Variants in PLA2G15 observed in about 807,000 individuals in gnomAD.
PLA2G15 encodes the protein lysosomal phospholipase A and acyltransferase.
PLA2G15 carries 20 observed loss-of-function variants against 40.9 expected under a neutral mutation model. That is an observed-to-expected ratio of 0.49 (90% CI 0.34 to 0.71). The LOEUF (loss-of-function observed/expected upper bound fraction) is 0.71, where lower values mean the gene tolerates loss of function less well. Ranked by LOEUF, PLA2G15 falls within the 30% of genes least tolerant of loss-of-function variation. The pLI, the probability that PLA2G15 is intolerant of heterozygous loss-of-function variation, is 0.01. For synonymous variants in PLA2G15, 223 were observed against 228.2 expected, an observed-to-expected ratio of 0.98 and a Z score of 0.21; for missense variants, 471 against 541.9, an observed-to-expected ratio of 0.87 and a Z score of 1.30.
rs1172765713 is a variant in PLA2G15 at position 68,259,577 on chromosome 16, C to T, written c.1159C>T (p.Leu387=). The part of the protein sequence containing the change: ...RQEHQVLLQE[L]PGSEHIEMLA... ...GGAGCACCAAGTGTTGCTGCAGGAG[C>T]TGCCAGGCAGCGAGCACATCGAGAT... is the stretch of plus-strand genomic sequence containing the variant. Residue 387 remains leucine, a synonymous_variant, in exon 6 of 6, where the codon CTG becomes TTG. Transcript: ENST00000219345. The surrounding 1 kb of genome is among the most constrained non-coding windows in gnomAD (Gnocchi z 6.5). 1 of 1,613,274 alleles carries T rather than the reference C, an allele frequency of 6.2e-7. No individual in the cohort carries two copies. Among genetic ancestry groups the T allele is most frequent in the African/African-American group, 1.3e-5 (1 of 74,942 alleles).
At chr16:68,249,210 G>T (rs1333033056) in intron 1 of PLA2G15, 80 bp from the exon 2 acceptor site, 4 of 1,156,258 alleles carry the variant, frequency 3.5e-6, no homozygotes, top group South Asian at 2.7e-5. Flanking sequence ...TCTTCAGGGG[G>T]TCTGCTGCAG....
Position 68,254,946 on chromosome 16 carries a change from C to T in PLA2G15, c.312C>T (p.Ala104=). ...TGGTTTACAACAAAACATCCAGGGC[C>T]ACCCAGTTTCCTGATGGTGTGGATG... ...IRLVYNKTSR[A]TQFPDGVDVR... is the part of the protein sequence containing the mutation. Residue 104 remains alanine, a synonymous_variant, in exon 3 of 6, where the codon GCC becomes GCT. Coordinates refer to ENST00000219345, the MANE Select transcript of PLA2G15 (RefSeq NM_012320.4). 6.2e-7 allele frequency: 1 copy of T among 1,613,772 alleles called. No individual in the cohort carries two copies.
chr16:68,259,771 C>T lies in PLA2G15; in HGVS notation c.*114C>T. ...TGACTCACCATTCAAGGCCCCGAGT[C>T]TTGGACTGTGAAGCATCTGCCATGG... On this transcript the variant is annotated 3_prime_UTR_variant, in exon 6 of 6. Coordinates refer to ENST00000219345, the MANE Select transcript of PLA2G15 (RefSeq NM_012320.4). This position sits in a 1 kb window ranked among gnomAD's most constrained non-coding sequence, Gnocchi z 6.5. 1.1e-6 allele frequency: 1 copy of T among 938,310 alleles called. No individual in the cohort carries two copies. The highest frequency in any genetic ancestry group is 1.6e-5 in the South Asian group (1 of 61,328). The allele number at this position is 938,310 out of a possible 1,614,324, so 58.1% of individuals were successfully genotyped here.
Position 68,259,156 on chromosome 16 carries a change from C to T in PLA2G15, c.738C>T (p.Asn246=), listed in dbSNP as rs1418734713. The change falls in exon 6 of 6, where the codon AAC becomes AAT. Residue 246 remains asparagine, a synonymous_variant. Transcript: ENST00000219345. This position sits in a 1 kb window ranked among gnomAD's most constrained non-coding sequence, Gnocchi z 6.5. The part of the protein sequence containing the change: ...TLRVLASGDN[N]RIPVIGPLKI... Reference sequence around the variant, plus strand: ...GCCTTCTCCCTGCAGGAGACAACAACCGGATCCCAGTCATCGGGCCCCTGA... The same window carrying T: ...GCCTTCTCCCTGCAGGAGACAACAATCGGATCCCAGTCATCGGGCCCCTGA... 6 of 1,611,812 alleles carry T rather than the reference C, an allele frequency of 3.7e-6. No individual in the cohort carries two copies. The African/African-American group carries it at 5.3e-5, about 14-fold the overall frequency.
In PLA2G15 at chr16:68,259,482, G is replaced by C. The variant is rs1175922469; in HGVS notation, c.1064G>C (p.Cys355Ser). Residue 355 changes from cysteine to serine, a missense_variant, in exon 6 of 6, where the codon TGC (cysteine) becomes TCC (serine). Cys to Ser is a moderately radical substitution (Grantham distance 112, BLOSUM62 -1). Transcript: ENST00000219345. This position sits in a 1 kb window ranked among gnomAD's most constrained non-coding sequence, Gnocchi z 6.5. ...ESFPDRDPKI[C>S]FGDGDGTVNL... ...TTCCCTGACCGTGACCCTAAAATCT[G>C]CTTTGGTGACGGCGATGGTACTGTG... The C allele has an allele frequency of 3.7e-6, 6 of 1,613,238 alleles. No homozygotes were observed. The highest frequency in any genetic ancestry group is 5.1e-6 in the Non-Finnish European group (6 of 1,180,024).
At chr16:68,249,180 T>A in intron 1 of PLA2G15, 110 bp from the exon 2 acceptor site, 1 of 804,350 alleles carries the variant, frequency 1.2e-6, no homozygotes, top group Non-Finnish European at 2.0e-6. Context: ...ACTGCACAGG[T>A]CTGCCATATT....
In PLA2G15 at chr16:68,259,638, G is replaced by A. The variant is rs144500022; in HGVS notation, c.1220G>A (p.Arg407His). 4.9e-4 allele frequency: 790 copies of A among 1,612,144 alleles called. No individual in the cohort carries two copies. Among genetic ancestry groups the A allele is most frequent in the Non-Finnish European group, 6.4e-4 (750 of 1,179,368 alleles). Residue 407 changes from arginine (R) to histidine (H), a missense_variant, in exon 6 of 6, where the codon CGT (arginine) becomes CAT (histidine). Transcript: ENST00000219345. This position sits in a 1 kb window ranked among gnomAD's most constrained non-coding sequence, Gnocchi z 6.5. ...GCCACCACCCTGGCCTATCTGAAAC[G>A]TGTGCTCCTTGGGCCCTGACTCCTG... ...ANATTLAYLK[R>H]VLLGP
intron 1 of PLA2G15, among the ~76,000 whole-genome samples, 199 bp from the exon 2 acceptor site, chr16:68,249,091 G>A (rs369730138): frequency 6.6e-6 from 1 of 152,192 alleles, no homozygotes; most frequent in Non-Finnish European, 1.5e-5. Context: ...GCACAAAGAT[G>A]GTTCCCTGGC....
intron 2 of PLA2G15, chr16:68,254,351 A>ATTTATTTATTTT (rs1474973014): frequency 1.1e-4 from 15 of 139,470 alleles, no homozygotes; most frequent in Admixed American, 4.4e-4. Context: ...TTATTTATTT[A>ATTTATTTATTTT]TTTTTTTGAG....
At chr16:68,256,062 C>T in intron 5 of PLA2G15, 72 bp downstream of exon 5, 1 of 972,900 alleles carries the variant, frequency 1.0e-6, no homozygotes, top group Non-Finnish European at 1.5e-6. Flanking sequence ...TCCTAAGTGT[C>T]CTCCTGGGCC....
intron 2 of PLA2G15, among the ~76,000 whole-genome samples, chr16:68,252,852 C>G (rs2151203490): frequency 6.6e-6 from 1 of 152,098 alleles, no homozygotes; most frequent in South Asian, 2.1e-4. Flanking sequence ...CTGGTGGTGC[C>G]TGCCTAGCTG....
At chr16:68,246,189 C>G (rs1222731783) in intron 1 of PLA2G15, among the ~76,000 whole-genome samples, 1 of 152,262 alleles carries the variant, frequency 6.6e-6, no homozygotes, top group East Asian at 1.9e-4. Context: ...TACTCTTACC[C>G]TGCCACACAT....
chr16:68,256,378 ACAG>A, intron 5 of PLA2G15: 1 of 164,770 alleles, frequency 6.1e-6, no homozygotes, highest in East Asian at 1.7e-4. Context: ...TGCACAAGAA[ACAG>A]TAGATAAAGT....
chr16:68,250,174 C>CTTTTTT (rs1175749953), intron 2 of PLA2G15: 12 of 134,262 alleles, frequency 8.9e-5, no homozygotes, highest in South Asian at 3.2e-4. Context: ...CTTCCATTCA[C>CTTTTTT]TTTTTTTTTT....
Position 68,255,032 on chromosome 16 carries a change from G to A in PLA2G15, c.398G>A (p.Ser133Asn). The A allele has an allele frequency of 6.2e-7, 1 of 1,605,198 alleles. No individual in the cohort carries two copies. Among genetic ancestry groups the A allele is most frequent in the Non-Finnish European group, 8.5e-7 (1 of 1,171,970 alleles). The change falls in exon 3 of 6, where the codon AGC becomes AAC. Residue 133 changes from serine to asparagine, a missense_variant. Coordinates refer to ENST00000219345, the MANE Select transcript of PLA2G15 (RefSeq NM_012320.4). This position sits in a 1 kb window ranked among gnomAD's most constrained non-coding sequence, Gnocchi z 5.9. ...SLEFLDPSKS[S>N]VGSYFHTMVE... ...GAGTTCCTGGACCCCAGCAAAAGCA[G>A]CGTGGGTATGTAGCCCTTACTCAAG...
In PLA2G15 at chr16:68,255,264, C is replaced by A. The variant is rs2042391054; in HGVS notation, c.404-18C>A. 1.3e-6 allele frequency: 2 copies of A among 1,572,368 alleles called. No homozygotes were observed. Among genetic ancestry groups the A allele is most frequent in the Middle Eastern group, 1.7e-4 (1 of 5,990 alleles). On this transcript the variant is annotated intron_variant, in intron 3 of 5. Coordinates refer to ENST00000219345, the MANE Select transcript of PLA2G15 (RefSeq NM_012320.4). The surrounding 1 kb of genome is among the most constrained non-coding windows in gnomAD (Gnocchi z 5.9). ...CACTAGCTGTATCTTTTCTTATCCT[C>A]TGTATTTCTGTCTACAGGTTCCTAT...
At position 68,255,161 on chromosome 16, in the gene PLA2G15, G is replaced by T; in HGVS notation, c.404-121G>T. ...TGTGAGCTGTCTCTGATCAGCGTGG[G>T]CACAGAGCCCTGTAGCATTCTTCCA... On this transcript the variant is annotated intron_variant, in intron 3 of 5. Transcript: ENST00000219345. This position sits in a 1 kb window ranked among gnomAD's most constrained non-coding sequence, Gnocchi z 5.9. 2 of 974,558 alleles carry T rather than the reference G, an allele frequency of 2.1e-6. No homozygotes were observed. The highest frequency in any genetic ancestry group is 2.6e-5 in the South Asian group (2 of 75,488). The allele number at this position is 974,558 out of a possible 1,614,324, so 60.4% of individuals were successfully genotyped here. A position where few individuals can be genotyped will look rare whatever the true frequency, so the allele number is the denominator to read the frequency against.
chr16:68,259,421 G>A lies in PLA2G15; in HGVS notation c.1003G>A (p.Gly335Ser). ...GCAGCTGCACTGCCTCTATGGTACT[G>A]GCGTCCCCACACCAGACTCCTTCTA... is the stretch of plus-strand genomic sequence containing the variant. ...GVQLHCLYGT[G>S]VPTPDSFYYE... The change falls in exon 6 of 6, where the codon GGC (glycine) becomes AGC (serine). Residue 335 changes from glycine to serine, a missense_variant. Transcript: ENST00000219345. The surrounding 1 kb of genome is among the most constrained non-coding windows in gnomAD (Gnocchi z 6.5). The A allele has an allele frequency of 6.2e-7, 1 of 1,613,984 alleles. No individual in the cohort carries two copies. Among genetic ancestry groups the A allele is most frequent in the Non-Finnish European group, 8.5e-7 (1 of 1,180,026 alleles).
intron 2 of PLA2G15, chr16:68,253,653 G>A (rs927800919): frequency 8.7e-6 from 2 of 229,088 alleles, no homozygotes; most frequent in African/African-American, 2.4e-5. Flanking sequence ...GAGATTATAG[G>A]CGTGAGCCCC....
Sources: gnomAD v4.1 joint callset for allele counts (sites outside exome capture counted in the v4.1 genomes callset) on GRCh38, gnomAD v4.1.1 for gene constraint, Gnocchi (gnomAD v3.1) non-coding constraint, MANE v1.5 for transcripts, NCBI Gene and HGNC (gene_info 2026-07-23, HGNC 2026-07-21) for gene names.